PTGR2: variants seen among roughly 807,000 people sequenced by gnomAD.
PTGR2 encodes the protein 15-oxoprostaglandin 13-reductase.
Under a neutral mutation model 43.4 loss-of-function variants are expected in PTGR2, and 32 were observed. The ratio of observed to expected loss-of-function variants is 0.74; its 90% confidence interval spans 0.56 to 0.99. The LOEUF is 0.99. PTGR2 is among the 50% of genes least tolerant of loss of function. The pLI, the probability that PTGR2 is intolerant of heterozygous loss-of-function variation, is 0.00. For synonymous variants in PTGR2, 106 were observed against 139.2 expected (o/e 0.76, Z 1.68); for missense variants, 373 against 420.0 (o/e 0.89, Z 0.98).
chr14:73,856,332 A>G (rs1203243487), intron 1 of PTGR2, among the ~76,000 whole-genome samples: 3 of 151,704 alleles, frequency 2.0e-5, no homozygotes, highest in South Asian at 2.1e-4. Context: ...TGCAATCTCC[A>G]CCTCCAGGGT....
At chr14:73,878,871 G>A in intron 5 of PTGR2, 1 of 506,650 alleles carries the variant, frequency 2.0e-6, no homozygotes, top group Non-Finnish European at 3.5e-6. Context: ...ATCATAAGTT[G>A]AGGAACATAA....
intron 1 of PTGR2, among the ~76,000 whole-genome samples, chr14:73,857,225 T>A (rs1386513004): frequency 1.4e-5 from 2 of 145,996 alleles, no homozygotes; most frequent in African/African-American, 5.1e-5. Context: ...AGCTAAACTA[T>A]AAAGGAATTT....
chr14:73,862,255 T>G (rs2054507674), intron 3 of PTGR2, among the ~76,000 whole-genome samples: 1 of 152,110 alleles, frequency 6.6e-6, no homozygotes, highest in Admixed American at 6.6e-5. Context: ...TCGCCCAGGC[T>G]GGAGTGCAGT....
chr14:73,871,217 G>A (rs537004603), intron 3 of PTGR2, among the ~76,000 whole-genome samples: 3 of 152,226 alleles, frequency 2.0e-5, no homozygotes, highest in African/African-American at 7.2e-5. Context: ...ACCTGATTGA[G>A]GAGTTTCCAA....
chr14:73,882,576 C>T (rs2055015433), intron 9 of PTGR2, 138 bp downstream of exon 9: 2 of 568,388 alleles, frequency 3.5e-6, no homozygotes, highest in Admixed American at 6.1e-5. Context: ...TCTCAGCTCA[C>T]TGCAAGCTCC....
chr14:73,853,908 G>A (rs79188481), intron 1 of PTGR2, among the ~76,000 whole-genome samples: 9,083 of 152,002 alleles, frequency 0.06, 347 homozygotes, highest in African/African-American at 0.11. Context: ...GAGCAAATTC[G>A]TCTGTTATTA....
intron 3 of PTGR2, among the ~76,000 whole-genome samples, chr14:73,866,801 G>C (rs900294483): frequency 6.6e-6 from 1 of 151,974 alleles, no homozygotes; most frequent in East Asian, 1.9e-4. Context: ...AAATGTAGAA[G>C]AAGGTTGCTG....
Position 73,884,217 on chromosome 14 carries a change from C to A in PTGR2, c.*40C>A. On this transcript the variant is annotated 3_prime_UTR_variant, in exon 10 of 10. Transcript: ENST00000555661. The stretch of plus-strand genomic sequence containing the variant: ...ATCAAGGCAATCATAGATTTCTTTT[C>A]CATTTTGCATATTTTCAAAGATATG... The A allele has an allele frequency of 7.9e-7, 1 of 1,272,170 alleles. No homozygotes were observed. The highest frequency in any genetic ancestry group is 1.1e-6 in the Non-Finnish European group (1 of 887,410). The allele number at this position is 1,272,170 out of a possible 1,614,324, so 78.8% of individuals were successfully genotyped here.
chr14:73,881,522 T>C (rs1170209634), intron 8 of PTGR2, among the ~76,000 whole-genome samples: 1 of 151,822 alleles, frequency 6.6e-6, no homozygotes, highest in Non-Finnish European at 1.5e-5. Flanking sequence ...TTACTTTCCA[T>C]AGATTATATT....
At chr14:73,855,530 TCCAC>T (rs2054325568) in intron 1 of PTGR2, among the ~76,000 whole-genome samples, 2 of 151,912 alleles carry the variant, frequency 1.3e-5, no homozygotes, top group Admixed American at 1.3e-4. Context: ...CACCGCAACC[TCCAC>T]CTCTTGAGTT....
At chr14:73,871,656 ATATCC>A (rs1398504357) in intron 3 of PTGR2, among the ~76,000 whole-genome samples, 5 of 151,984 alleles carry the variant, frequency 3.3e-5, no homozygotes, top group African/African-American at 1.2e-4. Flanking sequence ...ACCTGACACT[ATATCC>A]AGGTAGATAG....
intron 3 of PTGR2, chr14:73,861,720 A>C (rs907404048): frequency 6.6e-6 from 1 of 151,918 alleles, no homozygotes; most frequent in East Asian, 1.9e-4. Context: ...CGGGTGATGG[A>C]GTGAGACCCT....
At chr14:73,859,189 A>G (rs11845444) in intron 2 of PTGR2, among the ~76,000 whole-genome samples, 5,114 of 152,210 alleles carry the variant, frequency 0.034, 342 homozygotes, top group African/African-American at 0.12. Flanking sequence ...TTACAAATAT[A>G]TGTGGCTTTT....
chr14:73,869,005 T>A (rs1028923700), intron 3 of PTGR2, among the ~76,000 whole-genome samples: 1 of 152,194 alleles, frequency 6.6e-6, no homozygotes, highest in Non-Finnish European at 1.5e-5. Context: ...CAAGCCTTCA[T>A]ACATGTTGGC....
chr14:73,869,549 G>A (rs901699400), intron 3 of PTGR2, among the ~76,000 whole-genome samples: 4 of 150,612 alleles, frequency 2.7e-5, no homozygotes, highest in African/African-American at 7.3e-5. Flanking sequence ...ACTCCAGCCT[G>A]GGCAACAGAG....
intron 1 of PTGR2, among the ~76,000 whole-genome samples, chr14:73,855,994 T>G (rs1399098598): frequency 6.6e-6 from 1 of 150,986 alleles, no homozygotes; most frequent in Non-Finnish European, 1.5e-5. Context: ...AGGCAGAGGT[T>G]GCAGTGAGCT....
At chr14:73,883,405 T>G (rs1442395254) in intron 9 of PTGR2, among the ~76,000 whole-genome samples, 1 of 151,132 alleles carries the variant, frequency 6.6e-6, no homozygotes, top group Non-Finnish European at 1.5e-5. Context: ...TCTCACTATA[T>G]TGTCCAGGCA....
chr14:73,871,873 C>T (rs1350965306), intron 3 of PTGR2, among the ~76,000 whole-genome samples: 2 of 151,978 alleles, frequency 1.3e-5, no homozygotes, highest in South Asian at 2.1e-4. Context: ...TTTAAGTGCC[C>T]TTGGTCTGGC....
At chr14:73,856,913 C>T (rs1470780473) in intron 1 of PTGR2, among the ~76,000 whole-genome samples, 1 of 152,236 alleles carries the variant, frequency 6.6e-6, no homozygotes, top group Non-Finnish European at 1.5e-5. Context: ...AAGTGATTTT[C>T]AGCAAGTCAG....
Sources: allele counts gnomAD v4.1 joint callset (sites outside exome capture counted in the v4.1 genomes callset), GRCh38; gene constraint gnomAD v4.1.1; transcripts MANE v1.5; gene names NCBI Gene and HGNC (gene_info 2026-07-23, HGNC 2026-07-21).